The following ITGAX variants were observed in gnomAD, a reference collection of about 807,000 sequenced individuals.
The protein encoded by ITGAX is integrin alpha-X.
ITGAX carries 99 observed loss-of-function variants against 140.2 expected under a neutral mutation model. The observed-to-expected ratio is 0.71, with a 90% confidence interval of 0.60 to 0.83. ITGAX has a LOEUF of 0.83. ITGAX is among the 40% of genes least tolerant of loss of function. The pLI, the probability that ITGAX is intolerant of heterozygous loss-of-function variation, is 0.00. For synonymous variants in ITGAX, 631 were observed against 600.4 expected, an observed-to-expected ratio of 1.05 and a Z score of -0.75; for missense variants, 1,444 against 1,482.0, an observed-to-expected ratio of 0.97 and a Z score of 0.42.
At chr16:31,372,037 G>T (rs1190148463) in intron 17 of ITGAX, among the ~76,000 whole-genome samples, 2 of 152,224 alleles carry the variant, frequency 1.3e-5, no homozygotes, top group African/African-American at 4.8e-5. Context: ...GAGCTCTGGG[G>T]CTTCCGGCTG....
chr16:31,379,003 A>G (rs1483803759), intron 23 of ITGAX, among the ~76,000 whole-genome samples: 1 of 151,784 alleles, frequency 6.6e-6, no homozygotes, highest in Non-Finnish European at 1.5e-5. Context: ...TTTAGTAGAG[A>G]TGGTGTTTCT....
rs12448775 is a variant in ITGAX, at chr16:31,373,327, C to T, written c.2445C>T (p.Tyr815=). 71,361 of 1,613,574 alleles carry T rather than the reference C, an allele frequency of 0.044. 3,051 individuals are homozygous for T. The highest frequency in any genetic ancestry group is 0.22 in the Admixed American group (13,174 of 59,948). ...VMVWNDGEDS[Y]GTTITFSHPA... Reference sequence around the variant, plus strand: ...TGTGGAATGACGGGGAAGACTCCTACGGAACCACCATCACCTTCTCCCACC... The same window carrying T: ...TGTGGAATGACGGGGAAGACTCCTATGGAACCACCATCACCTTCTCCCACC... Residue 815 remains tyrosine, a synonymous_variant, in exon 20 of 30, where the codon TAC becomes TAT. Transcript: ENST00000268296.
chr16:31,362,109 C>G lies in ITGAX; in HGVS notation c.1121C>G (p.Thr374Ser). The G allele has an allele frequency of 1.2e-6, 2 of 1,614,126 alleles. No homozygotes were observed. Among genetic ancestry groups the G allele is most frequent in the Non-Finnish European group, 8.5e-7 (1 of 1,180,010 alleles). Reference sequence around the variant, plus strand: ...GTTCTGGGGGCTGTGGGGAGCTTCACCTGGTCTGGAGGTGCCTTCCTGTAC... The same window carrying G: ...GTTCTGGGGGCTGTGGGGAGCTTCAGCTGGTCTGGAGGTGCCTTCCTGTAC... The part of the protein sequence containing the change: ...GPVLGAVGSF[T>S]WSGGAFLYPP... Residue 374 changes from threonine to serine, a missense_variant, in exon 11 of 30, where the codon ACC becomes AGC. Thr to Ser is a moderately conservative substitution (Grantham distance 58). Transcript: ENST00000268296.
chr16:31,362,489 A>G (rs1211104772), intron 11 of ITGAX, 122 bp from the exon 12 acceptor site: 1 of 1,130,182 alleles, frequency 8.8e-7, no homozygotes, highest in African/African-American at 2.3e-5. Flanking sequence ...TGGGGGCTGC[A>G]TTGCCCAGGG....
rs979831075 is a variant in ITGAX, at chr16:31,382,781, G to A, written c.*874G>A. The stretch of plus-strand genomic sequence containing the variant: ...CTAGGGAGGGACATGGCCCCGGTGC[G>A]GCTGCAGCTCACCCAGCCCCAGGGG... On this transcript the variant is annotated 3_prime_UTR_variant, in exon 30 of 30. Coordinates refer to ENST00000268296, the MANE Select transcript of ITGAX (RefSeq NM_000887.5). 2 of 459,614 alleles carry A rather than the reference G, an allele frequency of 4.4e-6. No homozygotes were observed. Among genetic ancestry groups the A allele is most frequent in the African/African-American group, 2.0e-5 (1 of 49,482 alleles). 28.5% of individuals were successfully genotyped at this position (459,614 alleles called of 1,614,324 possible).
intron 14 of ITGAX, chr16:31,370,182 C>T (rs2080940470): frequency 6.6e-6 from 1 of 152,234 alleles, no homozygotes; most frequent in South Asian, 2.1e-4. Flanking sequence ...TCTGGAACTC[C>T]TGACCTCAGA....
Position 31,362,968 on chromosome 16 carries a change from G to A in ITGAX, c.1393G>A (p.Val465Met), listed in dbSNP as rs767824543. 6.2e-6 allele frequency: 10 copies of A among 1,611,796 alleles called. No individual in the cohort carries two copies. In the African/African-American group the frequency reaches 6.7e-5, roughly 11 times the overall value. ...GSYFGASLCS[V>M]DVDSDGSTDL... ...CTACTTCGGGGCCTCCCTCTGCTCC[G>A]TGGACGTAGACAGCGACGGCAGCAC... is the stretch of plus-strand genomic sequence containing the variant. The change falls in exon 13 of 30, where the codon GTG becomes ATG. Residue 465 changes from valine (V) to methionine (M), a missense_variant. Physicochemically the swap from Val to Met is conservative, Grantham distance 21. Coordinates refer to ENST00000268296, the MANE Select transcript of ITGAX (RefSeq NM_000887.5).
intron 14 of ITGAX, among the ~76,000 whole-genome samples, chr16:31,366,389 C>T (rs1326645221): frequency 6.6e-6 from 1 of 152,236 alleles, no homozygotes. Flanking sequence ...GATAGCTCCC[C>T]TGTCTCTCTC....
chr16:31,359,048 G>C (rs2080792423), intron 5 of ITGAX, among the ~76,000 whole-genome samples: 1 of 152,004 alleles, frequency 6.6e-6, no homozygotes, highest in South Asian at 2.1e-4. Context: ...TTGAAATCCT[G>C]GGCTCAAGCA....
Position 31,376,843 on chromosome 16 carries a change from C to T in ITGAX, c.2553C>T (p.Ala851=), listed in dbSNP as rs1382380493. The T allele has an allele frequency of 6.2e-7, 1 of 1,614,208 alleles. No homozygotes were observed. The highest frequency in any genetic ancestry group is 1.1e-5 in the South Asian group (1 of 91,084). Residue 851 remains alanine, a synonymous_variant, in exon 21 of 30, where the codon GCC becomes GCT. Coordinates refer to ENST00000268296, the MANE Select transcript of ITGAX (RefSeq NM_000887.5). Reference sequence around the variant, plus strand: ...CCCTGCACCTGACATGTGACAGCGCCCCAGTTGGGAGCCAGGGCACCTGGA... The same window carrying T: ...CCCTGCACCTGACATGTGACAGCGCTCCAGTTGGGAGCCAGGGCACCTGGA... ...LRSLHLTCDS[A]PVGSQGTWST...
At position 31,377,257 on chromosome 16, in the gene ITGAX, G is replaced by A; in HGVS notation, c.2781G>A (p.Val927=). 6.2e-7 allele frequency: 1 copy of A among 1,613,298 alleles called. No individual in the cohort carries two copies. Among genetic ancestry groups the A allele is most frequent in the Non-Finnish European group, 8.5e-7 (1 of 1,179,630 alleles). ...CGGTGAAGTATGCTGTCTACACTGTGGTTAGCAGGTCAGCAGGTACCCCAC... is the reference window on the plus strand; with the variant it reads ...CGGTGAAGTATGCTGTCTACACTGTAGTTAGCAGGTCAGCAGGTACCCCAC... ...ELPVKYAVYT[V]VSSHEQFTKY... is the part of the protein sequence containing the mutation. Residue 927 remains valine (V), a synonymous_variant, in exon 23 of 30, where the codon GTG becomes GTA. Transcript: ENST00000268296.
chr16:31,362,022 A>C lies in ITGAX; in HGVS notation c.1087-53A>C, dbSNP rs983930978. On this transcript the variant is annotated intron_variant, in intron 10 of 29. Coordinates refer to ENST00000268296, the MANE Select transcript of ITGAX (RefSeq NM_000887.5). ...CAGGCGGAAGGCATATCTCTGGTAC[A>C]TGCTGTCTTCCTGCTCCGGCCTCTG... The C allele has an allele frequency of 1.3e-5, 21 of 1,613,548 alleles. No individual in the cohort carries two copies. The East Asian group carries it at 4.7e-4, about 36-fold the overall frequency.
intron 20 of ITGAX, among the ~76,000 whole-genome samples, chr16:31,375,181 A>G (rs112483236): frequency 0.017 from 2,567 of 152,216 alleles, 82 homozygotes; most frequent in African/African-American, 0.059. Flanking sequence ...ACGCCCAGCT[A>G]AGTTTTGCAT....
rs369860824 is a variant in ITGAX at position 31,355,628 on chromosome 16, C to T, written c.38-265C>T. On this transcript the variant is annotated intron_variant, in intron 1 of 29. Coordinates refer to ENST00000268296, the MANE Select transcript of ITGAX (RefSeq NM_000887.5). ...TTCCTGGACTCACTCTCATAGCGCC[C>T]GAGGTGCACGTTGGGGAAAGATCCT... Among the ~76,000 whole-genome samples, 31 of 152,262 alleles carry T rather than the reference C, an allele frequency of 2.0e-4. No homozygotes were observed. The East Asian group carries it at 3.3e-3, about 16-fold the overall frequency.
At chr16:31,360,906 T>C (rs2080817356) in intron 8 of ITGAX, 157 bp from the exon 9 acceptor site, 1 of 681,328 alleles carries the variant, frequency 1.5e-6, no homozygotes, top group Non-Finnish European at 2.5e-6. Context: ...TGATCCTTTC[T>C]CCTAAACTCC....
At position 31,359,932 on chromosome 16, in the gene ITGAX, C is replaced by T; in HGVS notation, c.574C>T (p.Gln192Ter). Residue 192 changes from glutamine to a stop codon, truncating the protein, a stop_gained, in exon 7 of 30, where the codon CAG becomes TAG. Transcript: ENST00000268296. LOFTEE classifies it high-confidence loss of function. ...GTGCTTCTCCCAGTTTTCCCTGATG[C>T]AGTTCTCCAACAAATTCCAAACACA... ...QRPSTQFSLM[Q>*]FSNKFQTHFT... The T allele has an allele frequency of 6.2e-7, 1 of 1,614,118 alleles. No individual in the cohort carries two copies. Among genetic ancestry groups the T allele is most frequent in the Non-Finnish European group, 8.5e-7 (1 of 1,180,022 alleles).
chr16:31,363,057 G>T lies in ITGAX; in HGVS notation c.1482G>T (p.Val494=), dbSNP rs755619371. 1 of 1,611,024 alleles carries T rather than the reference G, an allele frequency of 6.2e-7. No homozygotes were observed. Among genetic ancestry groups the T allele is most frequent in the African/African-American group, 1.3e-5 (1 of 74,686 alleles). Residue 494 remains valine (V), a synonymous_variant, in exon 13 of 30, where the codon GTG becomes GTT. Transcript: ENST00000268296. The part of the protein sequence containing the change: ...YEQTRGGQVS[V]CPLPRGWRRW... ...AGACCCGAGGGGGCCAGGTGTCTGT[G>T]TGTCCCTTGCCCAGGGGGGTGAGTG... is the stretch of plus-strand genomic sequence containing the variant.
chr16:31,374,134 C>A (rs2080998445), intron 20 of ITGAX, among the ~76,000 whole-genome samples: 1 of 151,990 alleles, frequency 6.6e-6, no homozygotes, highest in African/African-American at 2.4e-5. Context: ...ACGAAAAATA[C>A]AAAAATTAGC....
rs2081080554 is a variant in ITGAX, at chr16:31,382,685, T to C, written c.*778T>C. ...CAGGCTGAATTGGGAGTGAGATGCCTGCATGCTGGGTTCTGCACAGCTGGC... is the reference window on the plus strand; with the variant it reads ...CAGGCTGAATTGGGAGTGAGATGCCCGCATGCTGGGTTCTGCACAGCTGGC... On this transcript the variant is annotated 3_prime_UTR_variant, in exon 30 of 30. Transcript: ENST00000268296. 1 of 608,752 alleles carries C rather than the reference T, an allele frequency of 1.6e-6. No individual in the cohort carries two copies. The highest frequency in any genetic ancestry group is 1.8e-5 in the South Asian group (1 of 54,298). 37.7% of individuals were successfully genotyped at this position (608,752 alleles called of 1,614,324 possible). A position where few individuals can be genotyped will look rare whatever the true frequency, so the allele number is the denominator to read the frequency against.
Sources: gnomAD v4.1 joint callset for allele counts (sites outside exome capture counted in the v4.1 genomes callset) on GRCh38, gnomAD v4.1.1 for gene constraint, MANE v1.5 for transcripts, NCBI Gene and HGNC (gene_info 2026-07-23, HGNC 2026-07-21) for gene names.